INPP4B: variants seen among roughly 807,000 people sequenced by gnomAD.
The protein encoded by INPP4B is inositol polyphosphate-4-phosphatase type II B, also known as inositol polyphosphate 4-phosphatase type II.
A neutral mutation model predicts 122.5 loss-of-function variants in INPP4B; 55 were observed. The ratio of observed to expected loss-of-function variants is 0.45; its 90% CI spans 0.36 to 0.56. The LOEUF (loss-of-function observed/expected upper bound fraction) is 0.56, where lower values mean the gene tolerates loss of function less well. Ranked by LOEUF, INPP4B falls within the 20% of genes least tolerant of loss-of-function variation. INPP4B has a pLI of 0.00. For synonymous variants in INPP4B, 403 were observed against 388.7 expected (o/e 1.04, Z -0.43); for missense variants, 1,000 against 1,097.7 (o/e 0.91, Z 1.26).
chr4:142,082,477 T>C (rs898870543), intron 24 of INPP4B, among the ~76,000 whole-genome samples: 1 of 152,016 alleles, frequency 6.6e-6, no homozygotes, highest in Non-Finnish European at 1.5e-5. Flanking sequence ...CCAAGGGGGG[T>C]GCCTGGTCTG....
intron 3 of INPP4B, among the ~76,000 whole-genome samples, chr4:142,432,349 G>C (rs1399193770): frequency 1.3e-5 from 2 of 151,922 alleles, no homozygotes; most frequent in Non-Finnish European, 2.9e-5. Flanking sequence ...TGGTAAAGTG[G>C]CTTCATTTAT....
At chr4:142,072,516 A>C (rs1176892726) in intron 25 of INPP4B, among the ~76,000 whole-genome samples, 2 of 151,648 alleles carry the variant, frequency 1.3e-5, no homozygotes, top group Non-Finnish European at 2.9e-5. Context: ...CCAATGCAAC[A>C]GATGATATGA....
rs558044980 is a variant in INPP4B at position 142,433,282 on chromosome 4, AT to A, written c.-126-1898del. On this transcript the variant is annotated intron_variant, in intron 3 of 25. Transcript: ENST00000262992. Reference sequence around the variant, plus strand: ...TTTATTTTCTGTGCCTACTTGCAAAATTTTTTCACAATAATAGATTGTGGTT... The same window carrying A: ...TTTATTTTCTGTGCCTACTTGCAAAATTTTTCACAATAATAGATTGTGGTT... Among the ~76,000 whole-genome samples the A allele has an allele frequency of 2.3e-3, 344 of 152,102 alleles. 2 individuals carry two copies. The highest frequency in any genetic ancestry group is 7.6e-3 in the African/African-American group (314 of 41,470).
intron 2 of INPP4B, among the ~76,000 whole-genome samples, chr4:142,657,326 T>C (rs902709097): frequency 2.6e-5 from 4 of 152,206 alleles, no homozygotes; most frequent in Admixed American, 6.5e-5. Flanking sequence ...TTAAGTGTTT[T>C]GAGGTTACAA....
intron 2 of INPP4B, among the ~76,000 whole-genome samples, chr4:142,608,689 A>G (rs187307603): frequency 2.0e-5 from 3 of 152,168 alleles, no homozygotes. Flanking sequence ...TCCAAGACTT[A>G]TCATCTGGAA....
intron 1 of INPP4B, among the ~76,000 whole-genome samples, chr4:142,766,585 G>C (rs1464487365): frequency 6.6e-6 from 1 of 151,848 alleles, no homozygotes. Flanking sequence ...TGGCCAGGCT[G>C]GTCTTGAACC....
At position 142,488,158 on chromosome 4, in the gene INPP4B, T is replaced by A. The variant is rs990247334; in HGVS notation, c.-190-25432A>T. Among the ~76,000 whole-genome samples the A allele has an allele frequency of 2.4e-4, 36 of 152,136 alleles. 1 individual carries two copies. The highest frequency in any genetic ancestry group is 8.4e-4 in the African/African-American group (35 of 41,456). On this transcript the variant is annotated intron_variant, in intron 2 of 25. Coordinates refer to ENST00000262992, the MANE Select transcript of INPP4B (RefSeq NM_001101669.3). Reference sequence around the variant, plus strand: ...GCTTTTTCTACCTTCATTGAGGTGATCATAGAACTTCCTCCTTTCTTCTGC... The same window carrying A: ...GCTTTTTCTACCTTCATTGAGGTGAACATAGAACTTCCTCCTTTCTTCTGC...
chr4:142,842,957 T>G (rs1783740310), intron 1 of INPP4B, among the ~76,000 whole-genome samples: 1 of 143,194 alleles, frequency 7.0e-6, no homozygotes, highest in Admixed American at 7.4e-5. Context: ...TATACATATA[T>G]AAATTATATA....
At chr4:142,112,035 C>A (rs6837581) in intron 22 of INPP4B, among the ~76,000 whole-genome samples, 16 of 151,688 alleles carry the variant, frequency 1.1e-4, no homozygotes, top group Non-Finnish European at 2.1e-4. Context: ...TAAGCCACCA[C>A]GACCAGCAAA....
chr4:142,558,075 T>C (rs1729607206), intron 2 of INPP4B, among the ~76,000 whole-genome samples: 1 of 152,234 alleles, frequency 6.6e-6, no homozygotes, highest in Non-Finnish European at 1.5e-5. Context: ...TTTGCCAATT[T>C]CCATCCTAAG....
At chr4:142,105,579 T>C (rs1050679845) in intron 23 of INPP4B, among the ~76,000 whole-genome samples, 1 of 152,154 alleles carries the variant, frequency 6.6e-6, no homozygotes, top group Non-Finnish European at 1.5e-5. Context: ...AATTAATTTA[T>C]CATTAAGTCC....
At chr4:142,697,564 G>A (rs888820909) in intron 2 of INPP4B, among the ~76,000 whole-genome samples, 3 of 152,142 alleles carry the variant, frequency 2.0e-5, no homozygotes, top group African/African-American at 7.2e-5. Flanking sequence ...TTGGACAATG[G>A]ATTCTTGCTG....
At chr4:142,699,561 T>C (rs978183877) in intron 2 of INPP4B, among the ~76,000 whole-genome samples, 4 of 152,168 alleles carry the variant, frequency 2.6e-5, no homozygotes, top group Non-Finnish European at 2.9e-5. Context: ...TTGCTTTATA[T>C]CCATGATCTT....
intron 1 of INPP4B, among the ~76,000 whole-genome samples, chr4:142,732,355 AT>A: frequency 6.6e-6 from 1 of 152,156 alleles, no homozygotes; most frequent in East Asian, 1.9e-4. Context: ...TAAAATAAAA[AT>A]TCCAATTTTA....
intron 25 of INPP4B, among the ~76,000 whole-genome samples, chr4:142,054,254 T>C (rs1354524801): frequency 7.1e-6 from 1 of 141,108 alleles, no homozygotes; most frequent in Non-Finnish European, 1.6e-5. Flanking sequence ...CACAACACCC[T>C]ATTTTTTTTT....
intron 9 of INPP4B, chr4:142,287,321 A>C (rs905504230): frequency 6.6e-6 from 1 of 152,284 alleles, no homozygotes; most frequent in African/African-American, 2.4e-5. Flanking sequence ...GTTTATTTTA[A>C]GTGGTAGTTC....
At chr4:142,320,472 T>C (rs1769572832) in intron 7 of INPP4B, among the ~76,000 whole-genome samples, 1 of 152,170 alleles carries the variant, frequency 6.6e-6, no homozygotes, top group Non-Finnish European at 1.5e-5. Flanking sequence ...TGTTTACATT[T>C]GTTTTGACAG....
intron 2 of INPP4B, among the ~76,000 whole-genome samples, chr4:142,467,176 G>T (rs1161001717): frequency 6.6e-6 from 1 of 152,224 alleles, no homozygotes; most frequent in Non-Finnish European, 1.5e-5. Context: ...TGGAAAGGGG[G>T]TCACTGACCT....
chr4:142,317,360 C>A, intron 7 of INPP4B: 3 of 342,192 alleles, frequency 8.8e-6, no homozygotes, highest in South Asian at 5.7e-5. Context: ...GGCTTCAAGG[C>A]AGATTACATG....
Sources: allele counts gnomAD v4.1 joint callset (sites outside exome capture counted in the v4.1 genomes callset), GRCh38; gene constraint gnomAD v4.1.1; transcripts MANE v1.5; gene names NCBI Gene and HGNC (gene_info 2026-07-23, HGNC 2026-07-21).